The following CDC42BPA variants were observed in gnomAD, a reference collection of about 807,000 sequenced individuals.
CDC42BPA encodes serine/threonine-protein kinase MRCK alpha.
CDC42BPA carries 80 observed loss-of-function variants against 223.5 expected under a neutral mutation model. The ratio of observed to expected loss-of-function variants is 0.36; its 90% confidence interval spans 0.30 to 0.43. The LOEUF is 0.43. CDC42BPA is among the 20% of genes least tolerant of loss of function. The pLI is 1.00. For synonymous variants in CDC42BPA, 694 were observed against 718.6 expected (o/e 0.97, Z 0.55); for missense variants, 1,743 against 2,099.9 (o/e 0.83, Z 3.32).
chr1:227,074,577 T>C (rs1345960672), intron 17 of CDC42BPA, among the ~76,000 whole-genome samples: 2 of 152,288 alleles, frequency 1.3e-5, no homozygotes, highest in East Asian at 3.9e-4. Context: ...GAGCAGGTGA[T>C]GTTTACAAAA....
chr1:227,224,322 C>T (rs958450890), intron 2 of CDC42BPA, among the ~76,000 whole-genome samples: 3 of 151,846 alleles, frequency 2.0e-5, no homozygotes, highest in Non-Finnish European at 4.4e-5. Flanking sequence ...CAACCTCTGC[C>T]TCTCAGGTTC....
intron 1 of CDC42BPA, among the ~76,000 whole-genome samples, chr1:227,280,651 A>G (rs1687867475): frequency 6.6e-6 from 1 of 152,264 alleles, no homozygotes; most frequent in Non-Finnish European, 1.5e-5. Flanking sequence ...ACACTAAATT[A>G]TCTCCTGAGC....
intron 21 of CDC42BPA, among the ~76,000 whole-genome samples, chr1:227,065,845 G>A (rs993637668): frequency 6.6e-6 from 1 of 152,078 alleles, no homozygotes; most frequent in African/African-American, 2.4e-5. Context: ...TGATACCAAA[G>A]GACTTGATTC....
intron 34 of CDC42BPA, among the ~76,000 whole-genome samples, chr1:227,012,017 G>A (rs1929862): frequency 0.38 from 58,285 of 151,952 alleles, 11,726 homozygotes; most frequent in Non-Finnish European, 0.46. Context: ...CCTAGCCTTA[G>A]AAGAAAGGCT....
chr1:227,076,552 T>A (rs1296098875), intron 17 of CDC42BPA, among the ~76,000 whole-genome samples: 1 of 152,188 alleles, frequency 6.6e-6, no homozygotes, highest in Non-Finnish European at 1.5e-5. Flanking sequence ...CCACCGCACC[T>A]GGCCCCAACA....
In CDC42BPA at chr1:227,026,024, T is replaced by A. The variant is rs372651687; in HGVS notation, c.4530+31A>T. The A allele has an allele frequency of 2.4e-5, 29 of 1,200,790 alleles. No homozygotes were observed. The African/African-American group carries it at 3.9e-4, about 16-fold the overall frequency. The allele number at this position is 1,200,790 out of a possible 1,614,324, so 74.4% of individuals were successfully genotyped here. A position where few individuals can be genotyped will look rare whatever the true frequency, so the allele number is the denominator to read the frequency against. The stretch of plus-strand genomic sequence containing the variant: ...TTTAGTGTTTTCACTTATACTCAGT[T>A]GGCTTAGCCCACATTTTAATGTTAA... On this transcript the variant is annotated intron_variant, in intron 31 of 36. Transcript: ENST00000366766.
At chr1:227,061,536 G>A (rs531794454) in intron 21 of CDC42BPA, among the ~76,000 whole-genome samples, 8 of 151,968 alleles carry the variant, frequency 5.3e-5, no homozygotes, top group South Asian at 2.1e-4. Context: ...TACAAATGCC[G>A]TCTGTATTTT....
At chr1:227,227,699 G>A (rs1419545733) in intron 2 of CDC42BPA, among the ~76,000 whole-genome samples, 1 of 152,084 alleles carries the variant, frequency 6.6e-6, no homozygotes, top group African/African-American at 2.4e-5. Context: ...TCCCTCTGGT[G>A]ACCATAAAAC....
At chr1:227,273,064 G>A (rs1271874337) in intron 1 of CDC42BPA, among the ~76,000 whole-genome samples, 4 of 152,232 alleles carry the variant, frequency 2.6e-5, no homozygotes, top group African/African-American at 4.8e-5. Flanking sequence ...AGGCCAAGGT[G>A]GGTGGATCAC....
chr1:227,052,088 G>A (rs977248677), intron 21 of CDC42BPA, 103 bp from the exon 22 acceptor site: 46 of 542,760 alleles, frequency 8.5e-5, no homozygotes, highest in Non-Finnish European at 1.4e-4. Context: ...AACATTTCTT[G>A]AGAAAGGAGG....
chr1:227,004,066 T>C (rs556916622), intron 35 of CDC42BPA: 29 of 151,962 alleles, frequency 1.9e-4, no homozygotes, highest in Non-Finnish European at 3.8e-4. Context: ...TTTTTTTTTT[T>C]TTTTGCTACC....
intron 5 of CDC42BPA, among the ~76,000 whole-genome samples, chr1:227,173,170 T>C (rs1013493453): frequency 6.6e-6 from 1 of 152,208 alleles, no homozygotes; most frequent in Non-Finnish European, 1.5e-5. Flanking sequence ...TTTCGTTCAA[T>C]TACCCTGCAT....
chr1:227,315,066 T>C (rs1057386120), intron 1 of CDC42BPA, among the ~76,000 whole-genome samples: 1 of 152,026 alleles, frequency 6.6e-6, no homozygotes, highest in Non-Finnish European at 1.5e-5. Flanking sequence ...ACTGGCACTC[T>C]TAACCTAAAT....
intron 11 of CDC42BPA, among the ~76,000 whole-genome samples, chr1:227,126,665 A>G (rs1165171161): frequency 6.6e-6 from 1 of 152,240 alleles, no homozygotes; most frequent in Admixed American, 6.5e-5. Flanking sequence ...GGTTTACAAC[A>G]GGGATGTATG....
chr1:227,099,904 G>A (rs1684684873), intron 15 of CDC42BPA, among the ~76,000 whole-genome samples: 2 of 151,756 alleles, frequency 1.3e-5, no homozygotes, highest in Non-Finnish European at 2.9e-5. Context: ...TGTATTCTAT[G>A]TTTTACTTAT....
intron 2 of CDC42BPA, among the ~76,000 whole-genome samples, chr1:227,224,198 C>T (rs1342978131): frequency 6.7e-6 from 1 of 149,746 alleles, no homozygotes; most frequent in Non-Finnish European, 1.5e-5. Context: ...CATAGCATAC[C>T]AAGCCATTCA....
At chr1:227,064,753 T>C (rs1319801627) in intron 21 of CDC42BPA, among the ~76,000 whole-genome samples, 1 of 152,126 alleles carries the variant, frequency 6.6e-6, no homozygotes, top group Non-Finnish European at 1.5e-5. Context: ...TGAATGGAAA[T>C]GCCTTTCTCA....
At chr1:227,079,960 TATAAAC>T (rs1242067127) in intron 17 of CDC42BPA, among the ~76,000 whole-genome samples, 1 of 151,992 alleles carries the variant, frequency 6.6e-6, no homozygotes, top group East Asian at 1.9e-4. Flanking sequence ...ATATACATCT[TATAAAC>T]ATAGCCTGAA....
intron 3 of CDC42BPA, among the ~76,000 whole-genome samples, chr1:227,209,895 T>C (rs575237295): frequency 6.7e-6 from 1 of 150,254 alleles, no homozygotes; most frequent in African/African-American, 2.5e-5. Flanking sequence ...GAGGATTCCC[T>C]CTTTTTCTAT....
Sources: allele counts gnomAD v4.1 joint callset (sites outside exome capture counted in the v4.1 genomes callset), GRCh38; gene constraint gnomAD v4.1.1; transcripts MANE v1.5; gene names NCBI Gene and HGNC (gene_info 2026-07-23, HGNC 2026-07-21).